The following FAM13B variants were observed in gnomAD, a reference collection of about 807,000 sequenced individuals.
FAM13B encodes protein FAM13B.
FAM13B carries 60 observed loss-of-function variants against 117.3 expected under a neutral mutation model. That is an observed-to-expected ratio of 0.51 (90% CI 0.42 to 0.63). FAM13B has a LOEUF of 0.63. FAM13B is among the 30% of genes least tolerant of loss of function. The probability of loss-of-function intolerance (pLI) is 0.00; values close to 1 mark genes in which losing one functional copy is unlikely to be tolerated. For missense variants in FAM13B, 972 were observed against 1,091.9 expected, an observed-to-expected ratio of 0.89 and a Z score of 1.55; for synonymous variants, 332 against 356.1, an observed-to-expected ratio of 0.93 and a Z score of 0.76.
In FAM13B at chr5:137,939,800, T is replaced by C; in HGVS notation, c.*425A>G. ...GCTTTTCTTTCAAATTTTCAGTCAT[T>C]CTGTAAGAAAAAGGCAACAGAAGAA... On this transcript the variant is annotated 3_prime_UTR_variant, in exon 24 of 24. Coordinates refer to ENST00000689681, the MANE Select transcript of FAM13B (RefSeq NM_001385994.1). 3 of 1,179,922 alleles carry C rather than the reference T, an allele frequency of 2.5e-6. No individual in the cohort carries two copies. The highest frequency in any genetic ancestry group is 3.2e-6 in the Non-Finnish European group (3 of 946,046). 73.1% of individuals were successfully genotyped at this position (1,179,922 alleles called of 1,614,324 possible).
intron 18 of FAM13B, 100 bp downstream of exon 18, chr5:137,948,855 G>C (rs192946801): frequency 2.0e-4 from 175 of 867,202 alleles, no homozygotes; most frequent in Middle Eastern, 1.7e-3. Context: ...GCAGATTCAG[G>C]AAAATCAGAC....
intron 18 of FAM13B, among the ~76,000 whole-genome samples, chr5:137,948,103 T>C (rs187382443): frequency 6.6e-6 from 1 of 151,528 alleles, no homozygotes; most frequent in Admixed American, 6.6e-5. Flanking sequence ...TCTCATCCAA[T>C]ATAAGATTAG....
chr5:138,024,808 CACACAGAGAGAG>C (rs1207913900), intron 1 of FAM13B, among the ~76,000 whole-genome samples: 1 of 29,532 alleles, frequency 3.4e-5, no homozygotes, highest in African/African-American at 9.0e-5. Context: ...CACACACACA[CACACAGAGAGAG>C]AGAGAGAGAG....
At chr5:137,974,537 C>T (rs1327777769) in intron 10 of FAM13B, among the ~76,000 whole-genome samples, 3 of 146,866 alleles carry the variant, frequency 2.0e-5, no homozygotes, top group African/African-American at 7.6e-5. Flanking sequence ...TGCAGCGCAC[C>T]AGCATGGCAC....
chr5:138,024,634 C>A (rs1313064573), intron 1 of FAM13B, among the ~76,000 whole-genome samples: 3 of 147,264 alleles, frequency 2.0e-5, no homozygotes, highest in Non-Finnish European at 4.5e-5. Flanking sequence ...CAAAAATATA[C>A]CAAAAAGATC....
In FAM13B at chr5:138,051,192, C is replaced by G. The variant is rs148695266; in HGVS notation, c.-203+686G>C. ...ATAAATAGGATCATAGTATAATACT[C>G]TAATATGCTTTTTACACATATTATT... On this transcript the variant is annotated intron_variant, in intron 1 of 3. Coordinates refer to the FAM13B transcript ENST00000502471. Among the ~76,000 whole-genome samples the G allele has an allele frequency of 6.7e-3, 1,022 of 152,198 alleles. 6 individuals are homozygous for G. Among genetic ancestry groups the G allele is most frequent in the Non-Finnish European group, 0.01 (701 of 68,010 alleles).
chr5:138,018,865 TAA>T, intron 3 of FAM13B, 88 bp downstream of exon 3: 17 of 934,808 alleles, frequency 1.8e-5, no homozygotes, highest in South Asian at 4.3e-5. Flanking sequence ...CTTTCCATAT[TAA>T]AAAAAAAAAT....
intron 2 of FAM13B, among the ~76,000 whole-genome samples, chr5:138,020,291 C>T (rs1270773325): frequency 6.6e-6 from 1 of 152,114 alleles, no homozygotes; most frequent in Non-Finnish European, 1.5e-5. Context: ...AACTCCTGAC[C>T]TCATGTGATC....
intron 1 of FAM13B, among the ~76,000 whole-genome samples, chr5:138,026,499 C>T (rs1202172982): frequency 2.0e-5 from 3 of 151,154 alleles, no homozygotes; most frequent in South Asian, 2.1e-4. Context: ...TGATGTCATG[C>T]GCCTGCAGTC....
At chr5:137,948,930 G>C in intron 18 of FAM13B, 25 bp downstream of exon 18, 1 of 1,584,550 alleles carries the variant, frequency 6.3e-7, no homozygotes, top group South Asian at 1.1e-5. Context: ...GGCTAATCTG[G>C]GCAAAAATCA....
At chr5:138,024,055 T>G (rs539248418) in intron 1 of FAM13B, among the ~76,000 whole-genome samples, 1 of 152,084 alleles carries the variant, frequency 6.6e-6, no homozygotes, top group African/African-American at 2.4e-5. Context: ...GTAGTTGACA[T>G]TATTTAGTCC....
chr5:137,969,619 T>A (rs1379178651), intron 10 of FAM13B, among the ~76,000 whole-genome samples: 2 of 152,202 alleles, frequency 1.3e-5, no homozygotes, highest in Non-Finnish European at 2.9e-5. Flanking sequence ...AGAATGACTT[T>A]GACGACCTGA....
chr5:137,957,325 C>T (rs567122764), intron 13 of FAM13B, among the ~76,000 whole-genome samples: 2 of 152,138 alleles, frequency 1.3e-5, no homozygotes, highest in Admixed American at 6.6e-5. Context: ...GCGGATCACC[C>T]GAGGCCGGGA....
chr5:138,049,419 G>T (rs534604759), intron 1 of FAM13B, among the ~76,000 whole-genome samples: 3 of 151,972 alleles, frequency 2.0e-5, no homozygotes, highest in African/African-American at 7.2e-5. Context: ...GACTACAGGC[G>T]TGTGCTACCA....
intron 20 of FAM13B, among the ~76,000 whole-genome samples, chr5:137,944,534 G>A (rs1300487682): frequency 5.3e-5 from 8 of 152,122 alleles, no homozygotes; most frequent in South Asian, 2.1e-4. Context: ...TTGGAAGGCC[G>A]AGGCAGGTGG....
rs747475036 is a variant in FAM13B at position 137,943,020 on chromosome 5, C to T, written c.2443G>A (p.Val815Ile). Residue 815 changes from valine to isoleucine, a missense_variant, in exon 22 of 24, where the codon GTT becomes ATT. Transcript: ENST00000689681. ...TCACCTAACTCAGAGGACAGATTAA[C>T]ACCATCTTCTTCTTCCTCCTAAAAA... ...EEIKEEEEDG[V>I]NLSSELGDML... 6.2e-7 allele frequency: 1 copy of T among 1,613,118 alleles called. No homozygotes were observed. The highest frequency in any genetic ancestry group is 1.1e-5 in the South Asian group (1 of 90,976).
rs1764224569 is a variant in FAM13B, at chr5:137,949,155, A to G, written c.1960T>C (p.Phe654Leu). ...DAKHKNSDGE[F>L]VPQTRPRSNT... ...CTACGTGGACGTGTCTGAGGTACAA[A>G]TTCTCCATCAGAATTTTTGTGTTTT... The change falls in exon 18 of 24, where the codon TTT becomes CTT. Residue 654 changes from phenylalanine (F) to leucine (L), a missense_variant. Phe to Leu is a conservative substitution (Grantham distance 22, BLOSUM62 0). Coordinates refer to ENST00000689681, the MANE Select transcript of FAM13B (RefSeq NM_001385994.1). The G allele has an allele frequency of 1.2e-6, 2 of 1,614,076 alleles. No homozygotes were observed. Among genetic ancestry groups the G allele is most frequent in the African/African-American group, 1.3e-5 (1 of 75,020 alleles).
intron 10 of FAM13B, among the ~76,000 whole-genome samples, chr5:137,963,830 G>A (rs960849282): frequency 6.6e-6 from 1 of 152,146 alleles, no homozygotes; most frequent in Non-Finnish European, 1.5e-5. Flanking sequence ...AGGGATCTAG[G>A]TTGTGTTCCT....
chr5:137,983,213 A>AC (rs781218799), intron 10 of FAM13B, among the ~76,000 whole-genome samples: 1 of 93,698 alleles, frequency 1.1e-5, no homozygotes, highest in Admixed American at 1.2e-4. Context: ...AAAAAAAAAA[A>AC]AACCGAGTGA....
Sources: gnomAD v4.1 joint callset for allele counts (sites outside exome capture counted in the v4.1 genomes callset) on GRCh38, gnomAD v4.1.1 for gene constraint, MANE v1.5 for transcripts, NCBI Gene and HGNC (gene_info 2026-07-23, HGNC 2026-07-21) for gene names.